TCF12: variants seen among roughly 807,000 people sequenced by gnomAD.
TCF12 encodes transcription factor 12, also known as DNA-binding protein HTF4.
A neutral mutation model predicts 86.0 loss-of-function variants in TCF12; 45 were observed. That is an observed-to-expected ratio of 0.52 (90% CI 0.41 to 0.67). TCF12 has a LOEUF of 0.67. Ranked by LOEUF, TCF12 falls within the 30% of genes least tolerant of loss-of-function variation. The pLI, the probability that TCF12 is intolerant of heterozygous loss-of-function variation, is 0.00. For synonymous variants in TCF12, 330 were observed against 299.6 expected, an observed-to-expected ratio of 1.10 and a Z score of -1.05; for missense variants, 881 against 859.9, an observed-to-expected ratio of 1.02 and a Z score of -0.31.
chr15:56,940,053 T>A (rs184609266), intron 3 of TCF12, among the ~76,000 whole-genome samples: 4 of 149,050 alleles, frequency 2.7e-5, no homozygotes, highest in Non-Finnish European at 5.9e-5. Context: ...ATGGCTTGTG[T>A]GATTCTGGGA....
intron 3 of TCF12, among the ~76,000 whole-genome samples, chr15:57,010,391 TAAAC>T: frequency 6.6e-6 from 1 of 151,848 alleles, no homozygotes; most frequent in South Asian, 2.1e-4. Context: ...AAAACAAAAA[TAAAC>T]AAGACATGCA....
chr15:56,969,397 C>G (rs965664718), intron 3 of TCF12, among the ~76,000 whole-genome samples: 3 of 151,914 alleles, frequency 2.0e-5, no homozygotes, highest in Non-Finnish European at 2.9e-5. Flanking sequence ...ATCTTGGGCC[C>G]GTGCTACAGA....
intron 8 of TCF12, among the ~76,000 whole-genome samples, chr15:57,213,482 T>G (rs1408304769): frequency 6.6e-6 from 1 of 152,204 alleles, no homozygotes; most frequent in Admixed American, 6.5e-5. Context: ...AACAAAAATA[T>G]AGATTGGGGA....
intron 3 of TCF12, among the ~76,000 whole-genome samples, chr15:57,022,535 A>G (rs1257828937): frequency 2.6e-5 from 4 of 152,304 alleles, no homozygotes; most frequent in African/African-American, 9.6e-5. Flanking sequence ...ATACATGTGC[A>G]TGTGTCTTTA....
intron 4 of TCF12, among the ~76,000 whole-genome samples, chr15:57,079,845 A>C (rs772349812): frequency 2.6e-5 from 4 of 152,178 alleles, no homozygotes; most frequent in Non-Finnish European, 5.9e-5. Flanking sequence ...TCTTTGTAGC[A>C]ATAAGGACTA....
At chr15:57,072,864 A>G in intron 4 of TCF12, 1 of 392,962 alleles carries the variant, frequency 2.5e-6, no homozygotes, top group South Asian at 3.0e-5. Flanking sequence ...CCAGAAGAGT[A>G]AAATGTTTTT....
At chr15:57,183,224 C>A (rs925388754) in intron 6 of TCF12, among the ~76,000 whole-genome samples, 1 of 152,156 alleles carries the variant, frequency 6.6e-6, no homozygotes, top group African/African-American at 2.4e-5. Context: ...CAAGAGTCAT[C>A]AGTTAACATT....
chr15:57,071,136 A>C (rs549197023), intron 4 of TCF12, among the ~76,000 whole-genome samples: 7 of 151,922 alleles, frequency 4.6e-5, no homozygotes, highest in African/African-American at 1.7e-4. Context: ...GCTGGGCGTG[A>C]TGGCTCACAC....
intron 18 of TCF12, among the ~76,000 whole-genome samples, chr15:57,265,669 T>A (rs12911256): frequency 0.39 from 59,534 of 152,066 alleles, 14,551 homozygotes; most frequent in Non-Finnish European, 0.54. Context: ...TAACTCTTAT[T>A]TATATCAATT....
At chr15:57,169,318 T>C (rs1193917824) in intron 6 of TCF12, among the ~76,000 whole-genome samples, 1 of 152,152 alleles carries the variant, frequency 6.6e-6, no homozygotes, top group Non-Finnish European at 1.5e-5. Flanking sequence ...CATAACAAAT[T>C]TGTTTAATTA....
intron 8 of TCF12, among the ~76,000 whole-genome samples, chr15:57,215,180 G>C (rs1351067470): frequency 6.6e-6 from 1 of 152,130 alleles, no homozygotes; most frequent in Non-Finnish European, 1.5e-5. Flanking sequence ...ATAATGTTCA[G>C]ATATAAAACC....
intron 13 of TCF12, among the ~76,000 whole-genome samples, chr15:57,245,399 G>T (rs949643841): frequency 6.6e-6 from 1 of 152,230 alleles, no homozygotes; most frequent in Non-Finnish European, 1.5e-5. Flanking sequence ...ATTACAGGAA[G>T]AATGATGTAA....
intron 5 of TCF12, among the ~76,000 whole-genome samples, chr15:57,146,082 C>G (rs986182912): frequency 1.6e-4 from 25 of 152,056 alleles, no homozygotes; most frequent in African/African-American, 5.8e-4. Context: ...CTATTTGTAA[C>G]TTAGGGTATT....
intron 4 of TCF12, among the ~76,000 whole-genome samples, chr15:57,081,936 T>A (rs2048342060): frequency 6.6e-6 from 1 of 152,210 alleles, no homozygotes; most frequent in African/African-American, 2.4e-5. Flanking sequence ...GATTCGGTAA[T>A]ATATTCCTGG....
At chr15:57,192,099 T>G in intron 6 of TCF12, 59 bp from the exon 7 acceptor site, 1 of 1,584,444 alleles carries the variant, frequency 6.3e-7, no homozygotes, top group South Asian at 1.1e-5. Flanking sequence ...TGATGAAATT[T>G]TCAGGTTTGG....
At position 56,921,328 on chromosome 15, in the gene TCF12, A is replaced by G. The variant is rs1020228375; in HGVS notation, c.148+230A>G. Among the ~76,000 whole-genome samples the G allele has an allele frequency of 1.2e-3, 182 of 152,020 alleles. 2 individuals carry two copies. Among genetic ancestry groups the G allele is most frequent in the Non-Finnish European group, 3.5e-4 (24 of 67,904 alleles). ...AATTATTTAAAATGTTAGTGGGGTA[A>G]ATTTTCAAAATGAATAGAAACTTAG... On this transcript the variant is annotated intron_variant, in intron 3 of 20. Transcript: ENST00000333725.
At chr15:57,139,808 A>G (rs1333396763) in intron 5 of TCF12, among the ~76,000 whole-genome samples, 2 of 152,222 alleles carry the variant, frequency 1.3e-5, no homozygotes, top group South Asian at 4.1e-4. Flanking sequence ...AGATGTTTTC[A>G]TTCTTTAATT....
At chr15:56,981,756 T>A (rs1383942642) in intron 3 of TCF12, among the ~76,000 whole-genome samples, 2 of 152,234 alleles carry the variant, frequency 1.3e-5, no homozygotes, top group African/African-American at 2.4e-5. Flanking sequence ...TTTCATGTTA[T>A]ATGTTTTATA....
chr15:57,094,891 T>C (rs1421087223), intron 5 of TCF12, among the ~76,000 whole-genome samples: 1 of 152,202 alleles, frequency 6.6e-6, no homozygotes, highest in African/African-American at 2.4e-5. Flanking sequence ...ACCACTGTCT[T>C]CTGTGATAGA....
Sources: allele counts gnomAD v4.1 joint callset (sites outside exome capture counted in the v4.1 genomes callset), GRCh38; gene constraint gnomAD v4.1.1; transcripts MANE v1.5; gene names NCBI Gene and HGNC (gene_info 2026-07-23, HGNC 2026-07-21).